Variants in KCNQ1 observed in about 807,000 individuals in gnomAD.
The protein encoded by KCNQ1 is potassium voltage-gated channel subfamily Q member 1.
Under a neutral mutation model 72.4 loss-of-function variants are expected in KCNQ1, and 49 were observed. The observed-to-expected ratio is 0.68, with a 90% CI of 0.54 to 0.86. The LOEUF is 0.86. Among genes scored for constraint, KCNQ1 ranks in the 40% least tolerant of loss-of-function variants. The pLI is 0.00. For missense variants in KCNQ1, 790 were observed against 945.1 expected, an observed-to-expected ratio of 0.84 and a Z score of 2.15; for synonymous variants, 450 against 412.6, an observed-to-expected ratio of 1.09 and a Z score of -1.10.
At position 2,750,244 on chromosome 11, in the gene KCNQ1, G is replaced by A. The variant is rs577811186; in HGVS notation, c.1515-18600G>A. Among the ~76,000 whole-genome samples the A allele has an allele frequency of 2.0e-5, 3 of 152,204 alleles. No individual in the cohort carries two copies. Among genetic ancestry groups the A allele is most frequent in the Non-Finnish European group, 4.4e-5 (3 of 68,034 alleles). On this transcript the variant is annotated intron_variant, in intron 11 of 15. Coordinates refer to ENST00000155840, the MANE Select transcript of KCNQ1 (RefSeq NM_000218.3). This position sits in a 1 kb window ranked among gnomAD's most constrained non-coding sequence, Gnocchi z 6.3. Reference sequence around the variant, plus strand: ...ATGTATTCCAGGGAAGAATTGGGCCGGAGGCTGAAACAGGACGACAGAGCC... The same window carrying A: ...ATGTATTCCAGGGAAGAATTGGGCCAGAGGCTGAAACAGGACGACAGAGCC...
intron 10 of KCNQ1, among the ~76,000 whole-genome samples, chr11:2,589,580 G>T (rs1484511975): frequency 3.9e-5 from 6 of 152,190 alleles, no homozygotes; most frequent in Non-Finnish European, 5.9e-5. Context: ...CCACACGGCG[G>T]GAATACAGCA....
Position 2,626,385 on chromosome 11 carries a change from A to G in KCNQ1, c.1394-35576A>G, listed in dbSNP as rs190525016. The G allele has an allele frequency of 2.8e-4, 112 of 398,600 alleles. No homozygotes were observed. Among genetic ancestry groups the G allele is most frequent in the Non-Finnish European group, 4.5e-4 (102 of 226,072 alleles). 24.7% of individuals were successfully genotyped at this position (398,600 alleles called of 1,614,324 possible). On this transcript the variant is annotated intron_variant, in intron 10 of 15. Transcript: ENST00000155840. This position sits in a 1 kb window ranked among gnomAD's most constrained non-coding sequence, Gnocchi z 4.0. ...TTGTTGAAAATACAGCACTTTCCCTATTGAATGGTCTTGGCACTCTTCTCA... is the reference window on the plus strand; with the variant it reads ...TTGTTGAAAATACAGCACTTTCCCTGTTGAATGGTCTTGGCACTCTTCTCA...
Position 2,704,459 on chromosome 11 carries a change from C to A in KCNQ1, c.1514+42378C>A, listed in dbSNP as rs1166758041. Among the ~76,000 whole-genome samples, 5 of 152,232 alleles carry A rather than the reference C, an allele frequency of 3.3e-5. No homozygotes were observed. The highest frequency in any genetic ancestry group is 3.3e-4 in the Admixed American group (5 of 15,286). ...ACTCATGTCCCCACCCAAATCACAT[C>A]CCCACCAGGATGGGCAGGCTCTGGG... On this transcript the variant is annotated intron_variant, in intron 11 of 15. Coordinates refer to ENST00000155840, the MANE Select transcript of KCNQ1 (RefSeq NM_000218.3). This position sits in a 1 kb window ranked among gnomAD's most constrained non-coding sequence, Gnocchi z 4.3.
chr11:2,736,530 T>A lies in KCNQ1; in HGVS notation c.1515-32314T>A, dbSNP rs77553509. Reference sequence around the variant, plus strand: ...GGGGATGGGAGGCGCTAGGTGCCAATGGCCCTAGGAGGGGGCTTTGGAGCT... The same window carrying A: ...GGGGATGGGAGGCGCTAGGTGCCAAAGGCCCTAGGAGGGGGCTTTGGAGCT... On this transcript the variant is annotated intron_variant, in intron 11 of 15. Transcript: ENST00000155840. Among the ~76,000 whole-genome samples, 1,033 of 152,194 alleles carry A rather than the reference T, an allele frequency of 6.8e-3. 11 individuals are homozygous for A. The highest frequency in any genetic ancestry group is 0.024 in the African/African-American group (992 of 41,512).
rs1298071016 is a variant in KCNQ1, at chr11:2,678,956, G to A, written c.1514+16875G>A. 2 of 398,318 alleles carry A rather than the reference G, an allele frequency of 5.0e-6. No individual in the cohort carries two copies. The highest frequency in any genetic ancestry group is 2.1e-5 in the African/African-American group (1 of 48,526). The allele number at this position is 398,318 out of a possible 1,614,324, so 24.7% of individuals were successfully genotyped here. A position where few individuals can be genotyped will look rare whatever the true frequency, so the allele number is the denominator to read the frequency against. ...AAACTGAATTTGCTAACTCAATAGAGAACAAAAGAGCAAATAGGCCTAATT... is the reference window on the plus strand; with the variant it reads ...AAACTGAATTTGCTAACTCAATAGAAAACAAAAGAGCAAATAGGCCTAATT... On this transcript the variant is annotated intron_variant, in intron 11 of 15. Transcript: ENST00000155840. The surrounding 1 kb of genome is among the most constrained non-coding windows in gnomAD (Gnocchi z 4.9).
intron 10 of KCNQ1, among the ~76,000 whole-genome samples, chr11:2,597,918 C>G (rs1303151956): frequency 6.6e-6 from 1 of 152,090 alleles, no homozygotes; most frequent in African/African-American, 2.4e-5. Flanking sequence ...TCTATCATCT[C>G]TTCGTTTTTC....
intron 1 of KCNQ1, among the ~76,000 whole-genome samples, chr11:2,504,043 C>T (rs1413348115): frequency 6.6e-6 from 1 of 152,184 alleles, no homozygotes; most frequent in Non-Finnish European, 1.5e-5. Context: ...TTTATTGCAG[C>T]ACTATTCACA....
At chr11:2,597,092 T>C (rs1292460051) in intron 10 of KCNQ1, among the ~76,000 whole-genome samples, 1 of 152,168 alleles carries the variant, frequency 6.6e-6, no homozygotes, top group African/African-American at 2.4e-5. Flanking sequence ...AATGAAAATA[T>C]GCTGGATGAC....
chr11:2,585,271 C>G lies in KCNQ1; in HGVS notation c.1092C>G (p.Phe364Leu). 1.9e-6 allele frequency: 3 copies of G among 1,614,066 alleles called. No individual in the cohort carries two copies. Among genetic ancestry groups the G allele is most frequent in the Non-Finnish European group, 2.5e-6 (3 of 1,180,022 alleles). The change falls in exon 8 of 16, where the codon TTC becomes TTG. Residue 364 changes from phenylalanine (F) to leucine (L), a missense_variant. Coordinates refer to ENST00000155840, the MANE Select transcript of KCNQ1 (RefSeq NM_000218.3). ...AGCAGAAGCAGAGGCAGAAGCACTT[C>G]AACCGGCAGATCCCGGCGGCAGCCT... ...KVQQKQRQKHFNRQIPAAASL... is the reference protein window; with the variant it reads ...KVQQKQRQKHLNRQIPAAASL...
rs1846206127 is a variant in KCNQ1, at chr11:2,457,032, T to C, written c.386+11548T>C. On this transcript the variant is annotated intron_variant, in intron 1 of 15. Coordinates refer to ENST00000155840, the MANE Select transcript of KCNQ1 (RefSeq NM_000218.3). This position sits in a 1 kb window ranked among gnomAD's most constrained non-coding sequence, Gnocchi z 5.0. The stretch of plus-strand genomic sequence containing the variant: ...TCTTAAAAAGAAGACATACAAACAG[T>C]CAAACACATGAAAAAATGCTCATCA... Among the ~76,000 whole-genome samples, 1 of 149,986 alleles carries C rather than the reference T, an allele frequency of 6.7e-6. No homozygotes were observed. The highest frequency in any genetic ancestry group is 1.5e-5 in the Non-Finnish European group (1 of 67,506).
rs937916051 is a variant in KCNQ1 at position 2,713,673 on chromosome 11, G to A, written c.1514+51592G>A. Among the ~76,000 whole-genome samples the A allele has an allele frequency of 3.9e-5, 6 of 152,206 alleles. No individual in the cohort carries two copies. In the South Asian group the frequency reaches 6.2e-4, roughly 16 times the overall value. ...TGGAGGCCACAGCCACAGGCTCTGC[G>A]GGCCTCTGGCCGAGCTGGGTTGCAG... is the stretch of plus-strand genomic sequence containing the variant. On this transcript the variant is annotated intron_variant, in intron 11 of 15. Coordinates refer to ENST00000155840, the MANE Select transcript of KCNQ1 (RefSeq NM_000218.3). The surrounding 1 kb of genome is among the most constrained non-coding windows in gnomAD (Gnocchi z 5.6).
intron 10 of KCNQ1, chr11:2,648,981 C>CTTTTTTTTTTTTTTTTTTTTTTTTCTTTT: frequency 4.7e-6 from 1 of 213,304 alleles, no homozygotes; most frequent in Admixed American, 9.7e-5. Context: ...TTTTCTTTTT[C>CTTTTTTTTTTTTTTTTTTTTTTTTCTTTT]TTTTTTTTTT....
chr11:2,689,353 G>A (rs887693234), intron 11 of KCNQ1: 4 of 398,538 alleles, frequency 1.0e-5, no homozygotes, highest in African/African-American at 2.1e-5. Flanking sequence ...AGGCCTTTAG[G>A]TCAGCCTTGG....
chr11:2,660,503 C>G, intron 10 of KCNQ1: 1 of 398,542 alleles, frequency 2.5e-6, no homozygotes. Context: ...CCTCATATAA[C>G]AAGGAGTTAA....
In KCNQ1 at chr11:2,658,473, C is replaced by G. The variant is rs1342376286; in HGVS notation, c.1394-3488C>G. The G allele has an allele frequency of 1.0e-5, 4 of 398,502 alleles. No individual in the cohort carries two copies. Among genetic ancestry groups the G allele is most frequent in the Non-Finnish European group, 1.3e-5 (3 of 226,034 alleles). The allele number at this position is 398,502 out of a possible 1,614,324, so 24.7% of individuals were successfully genotyped here. On this transcript the variant is annotated intron_variant, in intron 10 of 15. Transcript: ENST00000155840. This position sits in a 1 kb window ranked among gnomAD's most constrained non-coding sequence, Gnocchi z 4.9. Reference sequence around the variant, plus strand: ...TCCTTTTGATGTGCCCCCCGCCATCCTTTTCATTTATTTTTAAGCATTTCT... The same window carrying G: ...TCCTTTTGATGTGCCCCCCGCCATCGTTTTCATTTATTTTTAAGCATTTCT...
At chr11:2,646,339 T>G (rs1849665085) in intron 10 of KCNQ1, 1 of 398,518 alleles carries the variant, frequency 2.5e-6, no homozygotes, top group South Asian at 1.3e-4. Context: ...TCCATGAGCA[T>G]GGGATGTCTC....
At chr11:2,555,072 C>T (rs1315273828) in intron 2 of KCNQ1, among the ~76,000 whole-genome samples, 12 of 152,294 alleles carry the variant, frequency 7.9e-5, no homozygotes, top group South Asian at 2.1e-4. Context: ...CCCAACACTG[C>T]GCGGGCCCCT....
At position 2,608,311 on chromosome 11, in the gene KCNQ1, A is replaced by T. The variant is rs1446880084; in HGVS notation, c.1393+19457A>T. 1 of 398,132 alleles carries T rather than the reference A, an allele frequency of 2.5e-6. No homozygotes were observed. Among genetic ancestry groups the T allele is most frequent in the Non-Finnish European group, 4.4e-6 (1 of 225,976 alleles). The allele number at this position is 398,132 out of a possible 1,614,324, so 24.7% of individuals were successfully genotyped here. ...TTTAACTTATTACAGATCCATTCACATTTTCTACTTATTTCTTAGTCAGTT... is the reference window on the plus strand; with the variant it reads ...TTTAACTTATTACAGATCCATTCACTTTTTCTACTTATTTCTTAGTCAGTT... On this transcript the variant is annotated intron_variant, in intron 10 of 15. Coordinates refer to ENST00000155840, the MANE Select transcript of KCNQ1 (RefSeq NM_000218.3). This position sits in a 1 kb window ranked among gnomAD's most constrained non-coding sequence, Gnocchi z 4.6.
intron 11 of KCNQ1, chr11:2,689,584 G>A (rs1850555790): frequency 5.0e-6 from 2 of 398,550 alleles, no homozygotes; most frequent in Non-Finnish European, 8.8e-6. Context: ...GTTAGCAGTG[G>A]TGTCTTCTAG....
Sources: allele counts gnomAD v4.1 joint callset (sites outside exome capture counted in the v4.1 genomes callset), GRCh38; gene constraint gnomAD v4.1.1; non-coding constraint Gnocchi (gnomAD v3.1); transcripts MANE v1.5; gene names NCBI Gene and HGNC (gene_info 2026-07-23, HGNC 2026-07-21).